Variants in KCNH8 observed in about 807,000 individuals in gnomAD.
The protein encoded by KCNH8 is potassium voltage-gated channel subfamily H member 8, also known as voltage-gated delayed rectifier potassium channel KCNH8.
A neutral mutation model predicts 103.6 loss-of-function variants in KCNH8; 70 were observed. The observed-to-expected ratio is 0.68, with a 90% CI of 0.56 to 0.82. The LOEUF (loss-of-function observed/expected upper bound fraction) is 0.82, where lower values mean the gene tolerates loss of function less well. KCNH8 is among the 40% of genes least tolerant of loss of function. The probability of loss-of-function intolerance (pLI) is 0.00; values close to 1 mark genes in which losing one functional copy is unlikely to be tolerated. For synonymous variants in KCNH8, 498 were observed against 489.4 expected (o/e 1.02, Z -0.23); for missense variants, 1,217 against 1,329.9 (o/e 0.92, Z 1.32).
intron 7 of KCNH8, among the ~76,000 whole-genome samples, chr3:19,433,255 G>A (rs1218107496): frequency 2.6e-5 from 4 of 152,092 alleles, no homozygotes; most frequent in Admixed American, 6.6e-5. Context: ...GCTTGCCCTG[G>A]AAGGTTGTAT....
chr3:19,306,150 A>T (rs1056279221), intron 3 of KCNH8, among the ~76,000 whole-genome samples: 1 of 152,018 alleles, frequency 6.6e-6, no homozygotes, highest in Non-Finnish European at 1.5e-5. Context: ...ATCAAAGAAA[A>T]ATGTTCAGGT....
chr3:19,298,501 A>C (rs2065023088), intron 3 of KCNH8, among the ~76,000 whole-genome samples: 1 of 152,246 alleles, frequency 6.6e-6, no homozygotes, highest in South Asian at 2.1e-4. Context: ...CTGTAATTAT[A>C]AAGAAATCAA....
At chr3:19,304,910 G>A (rs1559468303) in intron 3 of KCNH8, among the ~76,000 whole-genome samples, 1 of 151,982 alleles carries the variant, frequency 6.6e-6, no homozygotes, top group South Asian at 2.1e-4. Context: ...GTATTGGAAA[G>A]CATAGATCTA....
chr3:19,486,257 G>A (rs2068205528), intron 11 of KCNH8, among the ~76,000 whole-genome samples: 1 of 152,226 alleles, frequency 6.6e-6, no homozygotes, highest in Non-Finnish European at 1.5e-5. Flanking sequence ...TTCTGATAAT[G>A]GGAACAGGGT....
chr3:19,200,758 A>G (rs2063649841), intron 1 of KCNH8, among the ~76,000 whole-genome samples: 1 of 152,074 alleles, frequency 6.6e-6, no homozygotes, highest in South Asian at 2.1e-4. Context: ...ATCAAACTTT[A>G]ATACACGAAG....
chr3:19,169,255 C>CTTT lies in KCNH8; in HGVS notation c.76+20479_76+20481dup, dbSNP rs768036667. On this transcript the variant is annotated intron_variant, in intron 1 of 15. Coordinates refer to ENST00000328405, the MANE Select transcript of KCNH8 (RefSeq NM_144633.3). ...ATCTCACTCTTTTGTTTCTTTCTTT[C>CTTT]TTTTTTTTTTTTTTTTTTTTTGAGA... Among the ~76,000 whole-genome samples, 1,163 of 124,910 alleles carry CTTT rather than the reference C, an allele frequency of 9.3e-3. 31 individuals are homozygous for CTTT. Among genetic ancestry groups the CTTT allele is most frequent in the African/African-American group, 0.033 (1,029 of 31,606 alleles). The allele number at this position is 124,910 out of a possible 152,430, so 81.9% of individuals were successfully genotyped here.
At chr3:19,307,895 G>A (rs2065150778) in intron 3 of KCNH8, among the ~76,000 whole-genome samples, 3 of 151,822 alleles carry the variant, frequency 2.0e-5, no homozygotes, top group South Asian at 2.1e-4. Flanking sequence ...GTTGGTAAGG[G>A]TAGGTGAAAG....
In KCNH8 at chr3:19,383,517, GC is replaced by G. The variant is rs1471066471; in HGVS notation, c.812-6961del. Among the ~76,000 whole-genome samples the G allele has an allele frequency of 2.0e-5, 3 of 151,332 alleles. No individual in the cohort carries two copies. In the East Asian group the frequency reaches 5.8e-4, roughly 29 times the overall value. On this transcript the variant is annotated intron_variant, in intron 5 of 15. Transcript: ENST00000328405. Reference sequence around the variant, plus strand: ...CTCCCAAGTAGCTGGGACTACAGGCGCCCGCCACTACATCCTGATGATTTAT... The same window carrying G: ...CTCCCAAGTAGCTGGGACTACAGGCGCCGCCACTACATCCTGATGATTTAT...
intron 1 of KCNH8, among the ~76,000 whole-genome samples, chr3:19,211,585 C>T (rs2063771825): frequency 6.6e-6 from 1 of 151,996 alleles, no homozygotes; most frequent in Non-Finnish European, 1.5e-5. Flanking sequence ...TTTTTTTACT[C>T]AGGAAAAAAT....
At chr3:19,361,935 A>C (rs1158835525) in intron 5 of KCNH8, among the ~76,000 whole-genome samples, 1 of 152,182 alleles carries the variant, frequency 6.6e-6, no homozygotes, top group African/African-American at 2.4e-5. Flanking sequence ...TAAGAAGTTG[A>C]TACAAGATCT....
rs550419563 is a variant in KCNH8 at position 19,523,155 on chromosome 3, T to C, written c.2619+5081T>C. On this transcript the variant is annotated intron_variant, in intron 15 of 15. Coordinates refer to ENST00000328405, the MANE Select transcript of KCNH8 (RefSeq NM_144633.3). ...TTTAGAGACCAAGCTCTTATTGCTA[T>C]TGAGTCCAAAAGAAAGGCCTCTTTT... 9.2e-5 allele frequency among the ~76,000 whole-genome samples: 14 copies of C among 151,984 alleles called. No homozygotes were observed. The South Asian group carries it at 2.9e-3, about 32-fold the overall frequency.
intron 7 of KCNH8, among the ~76,000 whole-genome samples, chr3:19,407,444 C>T (rs962715945): frequency 2.0e-5 from 3 of 152,034 alleles, no homozygotes; most frequent in South Asian, 2.1e-4. Flanking sequence ...CCCTCTGCTC[C>T]ACACCTACGC....
At chr3:19,170,765 CAT>C (rs1322764924) in intron 1 of KCNH8, among the ~76,000 whole-genome samples, 8 of 113,820 alleles carry the variant, frequency 7.0e-5, no homozygotes, top group African/African-American at 1.4e-4. Flanking sequence ...TATATACACA[CAT>C]ATATATACAC....
intron 1 of KCNH8, among the ~76,000 whole-genome samples, chr3:19,182,643 A>G (rs745786860): frequency 7.2e-5 from 11 of 152,204 alleles, no homozygotes; most frequent in Non-Finnish European, 7.4e-5. Context: ...CTCTAGCACA[A>G]TGAAAAGACA....
chr3:19,451,471 G>A, intron 10 of KCNH8, 67 bp downstream of exon 10: 6 of 1,415,082 alleles, frequency 4.2e-6, no homozygotes, highest in Non-Finnish European at 5.9e-6. Context: ...GATGAAATGG[G>A]GGAAAAAACT....
intron 1 of KCNH8, among the ~76,000 whole-genome samples, chr3:19,217,764 C>T (rs1246467767): frequency 3.3e-5 from 5 of 152,148 alleles, no homozygotes; most frequent in African/African-American, 1.2e-4. Context: ...CCCATTTGTA[C>T]GGTCGCAGCT....
At chr3:19,528,465 A>G (rs1191555819) in intron 15 of KCNH8, among the ~76,000 whole-genome samples, 1 of 152,112 alleles carries the variant, frequency 6.6e-6, no homozygotes, top group Non-Finnish European at 1.5e-5. Flanking sequence ...ACGGAGACAT[A>G]TTTCTACAAT....
intron 1 of KCNH8, among the ~76,000 whole-genome samples, chr3:19,239,635 AATCTATCTATCTATCTATCTATCT>A (rs10571316): frequency 6.9e-6 from 1 of 145,756 alleles, no homozygotes; most frequent in Non-Finnish European, 1.5e-5. Flanking sequence ...AGAATGATGG[AATCTATCTATCTATCTATCTATCT>A]ATCTATCTAT....
chr3:19,308,722 CT>C (rs2065168074), intron 3 of KCNH8, among the ~76,000 whole-genome samples: 4 of 28,970 alleles, frequency 1.4e-4, no homozygotes, highest in African/African-American at 5.3e-4. Context: ...CTCTCTCCCC[CT>C]CTCTCCCTCT....
Sources: allele counts gnomAD v4.1 joint callset (sites outside exome capture counted in the v4.1 genomes callset), GRCh38; gene constraint gnomAD v4.1.1; transcripts MANE v1.5; gene names NCBI Gene and HGNC (gene_info 2026-07-23, HGNC 2026-07-21).